DPF3: variants seen among roughly 807,000 people sequenced by gnomAD.
DPF3 encodes the protein zinc finger protein DPF3.
Under a neutral mutation model 56.8 loss-of-function variants are expected in DPF3, and 18 were observed. The observed-to-expected ratio is 0.32, with a 90% CI of 0.22 to 0.47. The LOEUF (loss-of-function observed/expected upper bound fraction) is 0.47. Ranked by LOEUF, DPF3 falls within the 20% of genes least tolerant of loss-of-function variation. The pLI, the probability that DPF3 is intolerant of heterozygous loss-of-function variation, is 1.00. For missense variants in DPF3, 403 were observed against 488.8 expected (o/e 0.82, Z 1.65); for synonymous variants, 188 against 180.2 (o/e 1.04, Z -0.35).
At chr14:72,727,690 C>A (rs1052958462) in intron 4 of DPF3, among the ~76,000 whole-genome samples, 1 of 151,774 alleles carries the variant, frequency 6.6e-6, no homozygotes, top group African/African-American at 2.4e-5. Context: ...ATTTGTATTC[C>A]TTGTTTCCTG....
At chr14:72,788,388 G>A (rs1031077436) in intron 1 of DPF3, among the ~76,000 whole-genome samples, 3 of 152,126 alleles carry the variant, frequency 2.0e-5, no homozygotes, top group Admixed American at 6.5e-5. Flanking sequence ...CAGCGGACCA[G>A]AGGAAGAAGC....
intron 1 of DPF3, among the ~76,000 whole-genome samples, chr14:72,865,603 G>A (rs938481653): frequency 1.3e-5 from 2 of 152,222 alleles, no homozygotes; most frequent in African/African-American, 4.8e-5. Flanking sequence ...AGGAAGAAAT[G>A]GAAAGGGTGA....
Position 72,671,174 on chromosome 14 carries a change from G to A in DPF3, c.871+3066C>T, listed in dbSNP as rs202093453. ...TTTTTATCTGCTGTGGGCGAACCCC[G>A]GCCACTGCGGCGTCCTCGACAGGAG... On this transcript the variant is annotated intron_variant, in intron 8 of 10. Coordinates refer to ENST00000556509, the MANE Select transcript of DPF3 (RefSeq NM_001280542.3). 1.3e-3 allele frequency: 2,154 copies of A among 1,613,926 alleles called. 3 individuals are homozygous for A. The highest frequency in any genetic ancestry group is 1.6e-3 in the Non-Finnish European group (1,900 of 1,179,888).
intron 2 of DPF3, among the ~76,000 whole-genome samples, chr14:72,771,330 A>C (rs1044568197): frequency 6.6e-6 from 1 of 152,166 alleles, no homozygotes; most frequent in African/African-American, 2.4e-5. Flanking sequence ...CAGATGAGGA[A>C]CCTGAGGGAC....
At chr14:72,777,221 A>C (rs1891779866) in intron 1 of DPF3, among the ~76,000 whole-genome samples, 1 of 149,072 alleles carries the variant, frequency 6.7e-6, no homozygotes, top group Non-Finnish European at 1.5e-5. Context: ...CCGCCCACAA[A>C]CACACACGAA....
intron 1 of DPF3, among the ~76,000 whole-genome samples, chr14:72,805,251 A>G (rs1011239282): frequency 1.3e-5 from 2 of 152,066 alleles, no homozygotes; most frequent in Non-Finnish European, 1.5e-5. Context: ...TGGGCAGATC[A>G]CCTGAGGTCG....
At chr14:72,893,923 A>C (rs376165623) in intron 1 of DPF3, 134 bp downstream of exon 1, 3 of 968,062 alleles carry the variant, frequency 3.1e-6, no homozygotes, top group South Asian at 1.4e-5. Context: ...GTAAGAGCTG[A>C]AAGAAGAGAG....
intron 1 of DPF3, among the ~76,000 whole-genome samples, chr14:72,833,213 T>A (rs955815597): frequency 6.6e-6 from 1 of 152,184 alleles, no homozygotes; most frequent in African/African-American, 2.4e-5. Context: ...GGAAGAGCTA[T>A]TGACCACAGC....
intron 8 of DPF3, among the ~76,000 whole-genome samples, chr14:72,655,217 A>G (rs1176577635): frequency 6.6e-6 from 1 of 152,202 alleles, no homozygotes; most frequent in African/African-American, 2.4e-5. Flanking sequence ...TCTTTTTAAA[A>G]TTATTTAGAA....
At chr14:72,753,472 G>A (rs940685129) in intron 2 of DPF3, 101 bp from the exon 3 acceptor site, 6 of 961,220 alleles carry the variant, frequency 6.2e-6, no homozygotes, top group Non-Finnish European at 7.5e-6. Flanking sequence ...GGAAGCTGAA[G>A]CCCAGAGAGA....
intron 3 of DPF3, among the ~76,000 whole-genome samples, chr14:72,748,293 C>T (rs1397948449): frequency 2.0e-5 from 3 of 152,160 alleles, no homozygotes; most frequent in East Asian, 1.9e-4. Flanking sequence ...GGGCATTTTG[C>T]CCCTGCCCTA....
chr14:72,842,766 G>A (rs1884599471), intron 1 of DPF3, among the ~76,000 whole-genome samples: 1 of 152,146 alleles, frequency 6.6e-6, no homozygotes, highest in Admixed American at 6.5e-5. Flanking sequence ...GCTCACACTG[G>A]TAATCCCAGC....
intron 1 of DPF3, among the ~76,000 whole-genome samples, chr14:72,772,739 T>C (rs376468429): frequency 8.5e-5 from 13 of 152,216 alleles, no homozygotes; most frequent in East Asian, 5.8e-4. Flanking sequence ...ATTGATATAA[T>C]TGATCAAATG....
intron 2 of DPF3, 148 bp from the exon 3 acceptor site, chr14:72,753,519 G>A: frequency 1.5e-6 from 1 of 666,156 alleles, no homozygotes; most frequent in South Asian, 2.1e-5. Context: ...ATTGCTAGTG[G>A]TGGCAAGGCT....
chr14:72,774,289 A>AG (rs1891668799), intron 1 of DPF3, among the ~76,000 whole-genome samples: 1 of 142,832 alleles, frequency 7.0e-6, no homozygotes, highest in Non-Finnish European at 1.5e-5. Context: ...AAAAAAAAAA[A>AG]CCTGCTTTCA....
chr14:72,717,874 CCT>C (rs1376276508), intron 5 of DPF3, among the ~76,000 whole-genome samples: 1 of 152,210 alleles, frequency 6.6e-6, no homozygotes, highest in Non-Finnish European at 1.5e-5. Context: ...CTACTTCATT[CCT>C]CTCTACCAGT....
intron 7 of DPF3, among the ~76,000 whole-genome samples, chr14:72,683,066 C>A (rs1273403281): frequency 6.6e-6 from 1 of 152,166 alleles, no homozygotes; most frequent in Non-Finnish European, 1.5e-5. Flanking sequence ...GTGGCTCATG[C>A]CTGTAATCCC....
chr14:72,663,925 G>A (rs1886334398), intron 8 of DPF3, among the ~76,000 whole-genome samples: 1 of 152,080 alleles, frequency 6.6e-6, no homozygotes, highest in Non-Finnish European at 1.5e-5. Context: ...CTCTTCCAAA[G>A]CTGAGACTCC....
chr14:72,670,975 G>C (rs1302064239), intron 8 of DPF3: 4 of 606,090 alleles, frequency 6.6e-6, no homozygotes, highest in Non-Finnish European at 1.1e-5. Flanking sequence ...AGAGGGGTGG[G>C]GGGAGGGATG....
Sources: gnomAD v4.1 joint callset for allele counts (sites outside exome capture counted in the v4.1 genomes callset) on GRCh38, gnomAD v4.1.1 for gene constraint, MANE v1.5 for transcripts, NCBI Gene and HGNC (gene_info 2026-07-23, HGNC 2026-07-21) for gene names.